Variants in EDAR observed in about 807,000 individuals in gnomAD.
The protein encoded by EDAR is ectodysplasin A receptor.
In EDAR, 38 loss-of-function variants were observed where a neutral mutation model predicts 51.3. The observed-to-expected ratio is 0.74, with a 90% CI of 0.57 to 0.97. EDAR has a LOEUF of 0.97. Among genes scored for constraint, EDAR ranks in the 50% least tolerant of loss-of-function variants. The pLI is 0.00. For missense variants in EDAR, 528 were observed against 595.0 expected (o/e 0.89, Z 1.17); for synonymous variants, 227 against 242.1 (o/e 0.94, Z 0.58).
At chr2:108,913,605 C>A (rs1384247367) in intron 5 of EDAR, among the ~76,000 whole-genome samples, 1 of 151,858 alleles carries the variant, frequency 6.6e-6, no homozygotes, top group East Asian at 2.0e-4. Context: ...GAAATAATAG[C>A]TTCTTGATTT....
chr2:108,976,766 G>GACATACTACCA (rs1698329472), intron 1 of EDAR, among the ~76,000 whole-genome samples: 1 of 151,990 alleles, frequency 6.6e-6, no homozygotes, highest in Non-Finnish European at 1.5e-5. Context: ...CTTTTAGTTG[G>GACATACTACCA]TTTGTGTGTC....
chr2:108,926,065 C>A (rs1169767184), intron 4 of EDAR, among the ~76,000 whole-genome samples: 2 of 152,200 alleles, frequency 1.3e-5, no homozygotes, highest in African/African-American at 2.4e-5. Flanking sequence ...ATGTTAGGTT[C>A]TCTCTGTAGG....
At chr2:108,986,986 G>C (rs1325941657) in intron 1 of EDAR, among the ~76,000 whole-genome samples, 3 of 152,162 alleles carry the variant, frequency 2.0e-5, no homozygotes, top group Non-Finnish European at 2.9e-5. Context: ...AGCATCAAAG[G>C]AACGAGCAGG....
chr2:108,927,866 T>C lies in EDAR; in HGVS notation c.356+1332A>G, dbSNP rs7586908. On this transcript the variant is annotated intron_variant, in intron 4 of 11. Coordinates refer to ENST00000258443, the MANE Select transcript of EDAR (RefSeq NM_022336.4). ...GCTGACAAATGGCACTATTTCCACA[T>C]GGCCAGTCATGGAGACACCTGAGTA... Among the ~76,000 whole-genome samples, 788 of 152,274 alleles carry C rather than the reference T, an allele frequency of 5.2e-3. 7 individuals carry two copies. The highest frequency in any genetic ancestry group is 0.018 in the African/African-American group (730 of 41,550).
chr2:108,917,134 G>A (rs1240255162), intron 5 of EDAR, among the ~76,000 whole-genome samples: 4 of 152,224 alleles, frequency 2.6e-5, no homozygotes, highest in Non-Finnish European at 5.9e-5. Context: ...TCACAGCTCC[G>A]TGGCCGACAG....
At chr2:108,928,769 T>C (rs1246038088) in intron 4 of EDAR, among the ~76,000 whole-genome samples, 2 of 152,214 alleles carry the variant, frequency 1.3e-5, no homozygotes, top group African/African-American at 4.8e-5. Context: ...CATAATCATT[T>C]TGGAGGGATT....
intron 1 of EDAR, among the ~76,000 whole-genome samples, chr2:108,936,972 G>T (rs185941748): frequency 6.6e-6 from 1 of 152,162 alleles, no homozygotes. Context: ...TTAAATAGCC[G>T]GTCCTGTTCC....
At chr2:108,901,120 A>G (rs1219373486) in intron 11 of EDAR, among the ~76,000 whole-genome samples, 3 of 152,180 alleles carry the variant, frequency 2.0e-5, no homozygotes, top group Admixed American at 6.5e-5. Context: ...AACCTCAACA[A>G]ATTAAAAGAA....
chr2:108,928,892 T>C (rs1017162361), intron 4 of EDAR, among the ~76,000 whole-genome samples: 22 of 152,262 alleles, frequency 1.4e-4, no homozygotes, highest in Non-Finnish European at 2.9e-4. Context: ...CCAAAGTGTT[T>C]CACATGCGCT....
chr2:108,910,322 T>C lies in EDAR; in HGVS notation c.803+138A>G, dbSNP rs564432314. On this transcript the variant is annotated intron_variant, in intron 9 of 11. Transcript: ENST00000258443. ...CCCCTGCCAGTCAGCAAAGAGGTGGTGGGGACTGTCTGTCGCCGAACGTCC... is the reference window on the plus strand; with the variant it reads ...CCCCTGCCAGTCAGCAAAGAGGTGGCGGGGACTGTCTGTCGCCGAACGTCC... 4.6e-4 allele frequency: 327 copies of C among 704,920 alleles called. 2 individuals carry two copies. In the South Asian group the frequency reaches 4.9e-3, roughly 10 times the overall value. The allele number at this position is 704,920 out of a possible 1,614,324, so 43.7% of individuals were successfully genotyped here.
chr2:108,915,462 C>T (rs1574375712), intron 5 of EDAR, among the ~76,000 whole-genome samples: 4 of 152,192 alleles, frequency 2.6e-5, no homozygotes, highest in Admixed American at 2.0e-4. Context: ...AGAAACATCA[C>T]CTGTCCACTG....
At chr2:108,926,147 A>T (rs1299708260) in intron 4 of EDAR, among the ~76,000 whole-genome samples, 7 of 152,220 alleles carry the variant, frequency 4.6e-5, no homozygotes, top group Admixed American at 2.0e-4. Context: ...AACAAAGAAC[A>T]TGTGGCTGTC....
chr2:108,913,450 A>G (rs1696967978), intron 5 of EDAR, among the ~76,000 whole-genome samples: 1 of 152,190 alleles, frequency 6.6e-6, no homozygotes, highest in Non-Finnish European at 1.5e-5. Flanking sequence ...AATTCCTTCA[A>G]TTACATAGAG....
At chr2:108,906,694 G>A (rs567730249) in intron 10 of EDAR, among the ~76,000 whole-genome samples, 2 of 152,374 alleles carry the variant, frequency 1.3e-5, no homozygotes, top group South Asian at 4.1e-4. Context: ...GGACATCTGT[G>A]CTGCAGCAGA....
intron 11 of EDAR, among the ~76,000 whole-genome samples, chr2:108,900,739 A>G (rs1456903031): frequency 6.6e-6 from 1 of 152,250 alleles, no homozygotes; most frequent in East Asian, 1.9e-4. Context: ...GCAAACTTCA[A>G]TAACAAGAAG....
intron 1 of EDAR, among the ~76,000 whole-genome samples, chr2:108,965,345 G>T (rs371442697): frequency 3.9e-5 from 6 of 152,020 alleles, no homozygotes; most frequent in Admixed American, 1.3e-4. Context: ...GCTGGGCGTG[G>T]TGGTGGGTGC....
intron 1 of EDAR, among the ~76,000 whole-genome samples, chr2:108,980,056 C>T (rs1698394066): frequency 8.2e-6 from 1 of 121,774 alleles, no homozygotes; most frequent in African/African-American, 3.2e-5. Flanking sequence ...CACACTCACA[C>T]TTAACAGATC....
intron 1 of EDAR, among the ~76,000 whole-genome samples, chr2:108,933,204 G>T (rs936963641): frequency 6.6e-6 from 1 of 152,202 alleles, no homozygotes; most frequent in Non-Finnish European, 1.5e-5. Context: ...GGTCTGGAGC[G>T]ATGCCTGCTG....
At chr2:108,985,348 C>T (rs260678) in intron 1 of EDAR, among the ~76,000 whole-genome samples, 29,075 of 152,118 alleles carry the variant, frequency 0.19, 3,013 homozygotes, top group Middle Eastern at 0.27. Flanking sequence ...AGTGAAGGCG[C>T]GCCTTCCTAC....
Sources: gnomAD v4.1 joint callset for allele counts (sites outside exome capture counted in the v4.1 genomes callset) on GRCh38, gnomAD v4.1.1 for gene constraint, MANE v1.5 for transcripts, NCBI Gene and HGNC (gene_info 2026-07-23, HGNC 2026-07-21) for gene names.